CHCHD6: variants seen among roughly 807,000 people sequenced by gnomAD.
CHCHD6 encodes the protein coiled-coil-helix-coiled-coil-helix domain containing 6, also known as MICOS complex subunit MIC25.
In CHCHD6, 28 loss-of-function variants were observed where a neutral mutation model predicts 32.3. The ratio of observed to expected loss-of-function variants is 0.87; its 90% CI spans 0.64 to 1.19. The LOEUF (loss-of-function observed/expected upper bound fraction) is 1.19, where lower values mean the gene tolerates loss of function less well. Ranked by LOEUF, CHCHD6 falls within the 50% of genes most tolerant of loss-of-function variation. The probability of loss-of-function intolerance (pLI) is 0.00; values close to 1 mark genes in which losing one functional copy is unlikely to be tolerated. For synonymous variants in CHCHD6, 122 were observed against 117.5 expected, an observed-to-expected ratio of 1.04 and a Z score of -0.25; for missense variants, 333 against 307.0, an observed-to-expected ratio of 1.08 and a Z score of -0.63.
intron 6 of CHCHD6, among the ~76,000 whole-genome samples, chr3:126,943,666 G>T (rs1308062355): frequency 2.6e-5 from 4 of 152,138 alleles, no homozygotes; most frequent in Non-Finnish European, 5.9e-5. Context: ...GTCCGTGATG[G>T]GGTAGCGAGG....
chr3:126,884,083 A>T (rs1437417420), intron 5 of CHCHD6, among the ~76,000 whole-genome samples: 1 of 152,220 alleles, frequency 6.6e-6, no homozygotes, highest in Non-Finnish European at 1.5e-5. Flanking sequence ...TCAAGTTTTC[A>T]AAAGAATTCT....
rs190388132 is a variant in CHCHD6 at position 126,912,269 on chromosome 3, G to A, written c.496-2411G>A. 7.4e-4 allele frequency among the ~76,000 whole-genome samples: 112 copies of A among 152,314 alleles called. 1 individual carries two copies. The highest frequency in any genetic ancestry group is 2.5e-3 in the African/African-American group (102 of 41,566). ...AAGCAGTTCCCACCCAGGCTGTGGC[G>A]GAAGGGCGTCTGCATGGAGTGGGAG... On this transcript the variant is annotated intron_variant, in intron 5 of 7. Transcript: ENST00000290913.
intron 4 of CHCHD6, among the ~76,000 whole-genome samples, chr3:126,815,651 C>CA (rs1379719908): frequency 4.6e-4 from 69 of 150,736 alleles, no homozygotes; most frequent in Non-Finnish European, 6.7e-4. Flanking sequence ...TTGCCCCCCC[C>CA]CCCCCATCTG....
At chr3:126,852,164 C>G (rs1392677911) in intron 4 of CHCHD6, among the ~76,000 whole-genome samples, 1 of 152,202 alleles carries the variant, frequency 6.6e-6, no homozygotes, top group African/African-American at 2.4e-5. Context: ...ATAAAGACAC[C>G]AAGGCCAGCA....
chr3:126,890,577 C>T (rs953320141), intron 5 of CHCHD6, among the ~76,000 whole-genome samples: 6 of 152,240 alleles, frequency 3.9e-5, no homozygotes, highest in East Asian at 1.9e-4. Flanking sequence ...GTGTCATATA[C>T]GCAAAGCAGC....
In CHCHD6 at chr3:126,885,876, A is replaced by T. The variant is rs964866853; in HGVS notation, c.496-28804A>T. Among the ~76,000 whole-genome samples the T allele has an allele frequency of 5.9e-5, 9 of 152,222 alleles. No homozygotes were observed. In the East Asian group the frequency reaches 1.7e-3, roughly 29 times the overall value. On this transcript the variant is annotated intron_variant, in intron 5 of 7. Coordinates refer to ENST00000290913, the MANE Select transcript of CHCHD6 (RefSeq NM_032343.3). ...AAGGAGTCAAACCATAGGAGGGATGATGCTGACAGGAGACATGGAAGGACA... is the reference window on the plus strand; with the variant it reads ...AAGGAGTCAAACCATAGGAGGGATGTTGCTGACAGGAGACATGGAAGGACA...
In CHCHD6 at chr3:126,861,565, A is replaced by ACCTCATCCT. The variant is rs201229424; in HGVS notation, c.495+8847_495+8855dup. 9.6e-3 allele frequency among the ~76,000 whole-genome samples: 1,419 copies of ACCTCATCCT among 148,122 alleles called. 25 individuals are homozygous for ACCTCATCCT. Among genetic ancestry groups the ACCTCATCCT allele is most frequent in the African/African-American group, 0.033 (1,337 of 40,048 alleles). ...CACCAGCACCACCACCAGCACCACC[A>ACCTCATCCT]CCTCATCCTCCTCATCCTCCATCAC... On this transcript the variant is annotated intron_variant, in intron 5 of 7. Coordinates refer to ENST00000290913, the MANE Select transcript of CHCHD6 (RefSeq NM_032343.3).
chr3:126,725,425 T>C (rs1405624033), intron 1 of CHCHD6, among the ~76,000 whole-genome samples: 1 of 152,358 alleles, frequency 6.6e-6, no homozygotes, highest in East Asian at 1.9e-4. Flanking sequence ...AAACAGATGT[T>C]CTGTCATCTA....
chr3:126,920,245 T>C (rs1576603821), intron 6 of CHCHD6, among the ~76,000 whole-genome samples: 1 of 150,260 alleles, frequency 6.7e-6, no homozygotes. Context: ...CAGTCTTTGG[T>C]GAAATTCTAC....
intron 5 of CHCHD6, among the ~76,000 whole-genome samples, chr3:126,864,818 GCATCATCTCCTCTTCCTCCTCCAC>G (rs1559890476): frequency 9.7e-4 from 26 of 26,792 alleles, no homozygotes; most frequent in South Asian, 7.0e-3. Context: ...TCCTCCTCCA[GCATCATCTCCTCTTCCTCCTCCAC>G]CATCATCTCC....
At chr3:126,838,372 A>G (rs1485728925) in intron 4 of CHCHD6, among the ~76,000 whole-genome samples, 1 of 152,150 alleles carries the variant, frequency 6.6e-6, no homozygotes, top group Non-Finnish European at 1.5e-5. Context: ...AGATGACCCT[A>G]GAGAAGCAGC....
At position 126,815,648 on chromosome 3, in the gene CHCHD6, C is replaced by A. The variant is rs1029859990; in HGVS notation, c.412-36999C>A. On this transcript the variant is annotated intron_variant, in intron 4 of 7. Coordinates refer to ENST00000290913, the MANE Select transcript of CHCHD6 (RefSeq NM_032343.3). ...TGTTGCTCCTGTGGGTTCTTGCCCC[C>A]CCCCCCCCATCTGTGTCCACAGCCC... is the stretch of plus-strand genomic sequence containing the variant. Among the ~76,000 whole-genome samples, 22 of 149,244 alleles carry A rather than the reference C, an allele frequency of 1.5e-4. 1 individual carries two copies. Among genetic ancestry groups the A allele is most frequent in the African/African-American group, 2.0e-4 (8 of 40,632 alleles).
At chr3:126,746,463 C>G (rs1038741321) in intron 4 of CHCHD6, among the ~76,000 whole-genome samples, 2 of 152,138 alleles carry the variant, frequency 1.3e-5, no homozygotes, top group African/African-American at 4.8e-5. Context: ...TGGGCCTGCT[C>G]CTTCTCTACA....
At chr3:126,805,307 A>G (rs912687983) in intron 4 of CHCHD6, among the ~76,000 whole-genome samples, 13 of 152,130 alleles carry the variant, frequency 8.5e-5, no homozygotes, top group East Asian at 1.9e-4. Flanking sequence ...AAACCCCATC[A>G]TCTCAGCCCA....
At chr3:126,719,203 C>T (rs955128769) in intron 1 of CHCHD6, among the ~76,000 whole-genome samples, 2 of 152,346 alleles carry the variant, frequency 1.3e-5, no homozygotes, top group Middle Eastern at 3.4e-3. Flanking sequence ...GTCCTCTGGC[C>T]TGCCGGCCTT....
chr3:126,764,178 CACATACAT>C (rs1254601874), intron 4 of CHCHD6, among the ~76,000 whole-genome samples: 1 of 140,742 alleles, frequency 7.1e-6, no homozygotes, highest in Admixed American at 7.5e-5. Context: ...CACATATATA[CACATACAT>C]ACATACATAC....
rs1347273958 is a variant in CHCHD6, at chr3:126,792,225, T to TTAGAATATATATTCTAATA, written c.411+59033_411+59051dup. Among the ~76,000 whole-genome samples, 1,230 of 149,530 alleles carry TTAGAATATATATTCTAATA rather than the reference T, an allele frequency of 8.2e-3. 14 individuals carry two copies. The highest frequency in any genetic ancestry group is 0.026 in the African/African-American group (1,046 of 40,632). On this transcript the variant is annotated intron_variant, in intron 4 of 7. Transcript: ENST00000290913. ...AGTTCCTGCTTTCAGGAATATATAC[T>TTAGAATATATATTCTAATA]TAGAATATATATTCTAATATAGAAT...
intron 6 of CHCHD6, among the ~76,000 whole-genome samples, chr3:126,948,173 A>G (rs1576639675): frequency 6.6e-6 from 1 of 152,224 alleles, no homozygotes; most frequent in Non-Finnish European, 1.5e-5. Flanking sequence ...ATGCCTGATG[A>G]CATGGGTTTC....
At chr3:126,831,789 C>A (rs1175685673) in intron 4 of CHCHD6, among the ~76,000 whole-genome samples, 1 of 152,168 alleles carries the variant, frequency 6.6e-6, no homozygotes, top group Admixed American at 6.5e-5. Context: ...TCCTTTACCC[C>A]CAACTCCTGC....
Sources: allele counts gnomAD v4.1 joint callset (sites outside exome capture counted in the v4.1 genomes callset), GRCh38; gene constraint gnomAD v4.1.1; transcripts MANE v1.5; gene names NCBI Gene and HGNC (gene_info 2026-07-23, HGNC 2026-07-21).